DIP2B: variants seen among roughly 807,000 people sequenced by gnomAD.
DIP2B encodes DIP2 acetate--CoA ligase B (putative).
DIP2B carries 76 observed loss-of-function variants against 198.0 expected under a neutral mutation model. That is an observed-to-expected ratio of 0.38 (90% CI 0.32 to 0.46). The LOEUF (loss-of-function observed/expected upper bound fraction) is 0.46. Ranked by LOEUF, DIP2B falls within the 20% of genes least tolerant of loss-of-function variation. The pLI is 0.99. For missense variants in DIP2B, 1,559 were observed against 1,978.4 expected, an observed-to-expected ratio of 0.79 and a Z score of 4.02; for synonymous variants, 701 against 739.1, an observed-to-expected ratio of 0.95 and a Z score of 0.84.
At chr12:50,607,093 C>T (rs1958988460) in intron 1 of DIP2B, among the ~76,000 whole-genome samples, 1 of 150,690 alleles carries the variant, frequency 6.6e-6, no homozygotes, top group Admixed American at 6.7e-5. Context: ...AGGCATGGGC[C>T]ATCATGCTTG....
Position 50,562,178 on chromosome 12 carries a change from C to T in DIP2B, c.100+56938C>T, listed in dbSNP as rs557184021. 5.3e-5 allele frequency among the ~76,000 whole-genome samples: 8 copies of T among 152,164 alleles called. No individual in the cohort carries two copies. The East Asian group carries it at 1.4e-3, about 26-fold the overall frequency. ...AATACAAAGAGGTGGAGAAGAAGGG[C>T]GGTAGAGAAAGGGTAACAAGCTGTT... On this transcript the variant is annotated intron_variant, in intron 1 of 37. Transcript: ENST00000301180.
At chr12:50,663,872 T>TAAA (rs397934701) in intron 4 of DIP2B, among the ~76,000 whole-genome samples, 13 of 104,786 alleles carry the variant, frequency 1.2e-4, no homozygotes, top group East Asian at 5.3e-4. Context: ...CCCATCTCTT[T>TAAA]AAAAAAAAAA....
intron 17 of DIP2B, among the ~76,000 whole-genome samples, chr12:50,697,533 CTTTTTTTTTTTTTTT>C (rs11306905): frequency 4.4e-5 from 2 of 45,960 alleles, no homozygotes; most frequent in East Asian, 6.0e-4. Flanking sequence ...TATAGATATA[CTTTTTTTTTTTTTTT>C]TTTTTTTTTT....
chr12:50,724,912 T>TGG, intron 28 of DIP2B, 26 bp downstream of exon 28: 2 of 1,605,540 alleles, frequency 1.2e-6, no homozygotes, highest in Non-Finnish European at 1.7e-6. Flanking sequence ...CTTCTGAGGG[T>TGG]GGAGGGACTG....
In DIP2B at chr12:50,704,122, C is replaced by A. The variant is rs1364591517; in HGVS notation, c.2326-18C>A. 6.3e-7 allele frequency: 1 copy of A among 1,595,262 alleles called. No homozygotes were observed. Among genetic ancestry groups the A allele is most frequent in the African/African-American group, 1.4e-5 (1 of 73,918 alleles). ...AAGAAAAAGCAAAGTTTTTCACTTA[C>A]TTCATTTTGTCTCTTAGGTAATTCC... is the stretch of plus-strand genomic sequence containing the variant. On this transcript the variant is annotated intron_variant, in intron 19 of 37. Transcript: ENST00000301180.
chr12:50,728,008 C>T (rs370961395), intron 29 of DIP2B, among the ~76,000 whole-genome samples, 196 bp downstream of exon 29: 3 of 152,152 alleles, frequency 2.0e-5, no homozygotes, highest in Admixed American at 1.3e-4. Flanking sequence ...TATTATTAAG[C>T]GTCTGAACCT....
chr12:50,628,773 C>G (rs1937985752), intron 2 of DIP2B, among the ~76,000 whole-genome samples: 1 of 152,220 alleles, frequency 6.6e-6, no homozygotes, highest in African/African-American at 2.4e-5. Flanking sequence ...CACTTCTCAG[C>G]CCGTTTTAGT....
intron 1 of DIP2B, among the ~76,000 whole-genome samples, chr12:50,591,118 C>G (rs2139429446): frequency 6.6e-6 from 1 of 152,314 alleles, no homozygotes; most frequent in East Asian, 1.9e-4. Flanking sequence ...TTCTCAGCCT[C>G]CATAACTGTG....
chr12:50,638,889 T>C (rs943155617), intron 2 of DIP2B, among the ~76,000 whole-genome samples: 12 of 151,162 alleles, frequency 7.9e-5, no homozygotes, highest in African/African-American at 2.7e-4. Context: ...AATATTTACA[T>C]TATATACCAG....
intron 1 of DIP2B, among the ~76,000 whole-genome samples, chr12:50,560,191 G>A (rs1416226804): frequency 2.6e-5 from 4 of 151,640 alleles, no homozygotes; most frequent in East Asian, 1.9e-4. Flanking sequence ...TCAGGAGATC[G>A]AGACCATCTT....
At chr12:50,513,632 G>A (rs1958037968) in intron 1 of DIP2B, among the ~76,000 whole-genome samples, 3 of 152,134 alleles carry the variant, frequency 2.0e-5, no homozygotes, top group Non-Finnish European at 4.4e-5. Context: ...CCAATACTTT[G>A]GGAGGCTGAG....
intron 3 of DIP2B, among the ~76,000 whole-genome samples, chr12:50,641,552 G>C (rs546440088): frequency 1.3e-5 from 2 of 152,294 alleles, no homozygotes; most frequent in East Asian, 1.9e-4. Flanking sequence ...CAGAGTTGTT[G>C]CATAACTAGT....
chr12:50,580,226 G>A (rs1958711826), intron 1 of DIP2B, among the ~76,000 whole-genome samples: 1 of 148,666 alleles, frequency 6.7e-6, no homozygotes, highest in Non-Finnish European at 1.5e-5. Context: ...CCCTCCAGAG[G>A]TCTCAGCACT....
chr12:50,674,656 T>C (rs751660205), intron 6 of DIP2B, 27 bp downstream of exon 6: 3 of 1,612,854 alleles, frequency 1.9e-6, no homozygotes, highest in Non-Finnish European at 2.5e-6. Context: ...GGTAGCTCAA[T>C]TGTAGTGTAA....
intron 1 of DIP2B, among the ~76,000 whole-genome samples, chr12:50,537,935 C>T (rs201405819): frequency 1.3e-5 from 2 of 152,070 alleles, no homozygotes; most frequent in Non-Finnish European, 2.9e-5. Flanking sequence ...AGATTGAAAA[C>T]GGGAATGAGG....
chr12:50,722,205 C>G (rs78211552), intron 26 of DIP2B, among the ~76,000 whole-genome samples: 2,044 of 151,752 alleles, frequency 0.013, 48 homozygotes, highest in African/African-American at 0.046. Flanking sequence ...GGCCTGTTAT[C>G]CCCCCACACT....
At chr12:50,537,007 C>T (rs1408296164) in intron 1 of DIP2B, among the ~76,000 whole-genome samples, 1 of 150,708 alleles carries the variant, frequency 6.6e-6, no homozygotes, top group Non-Finnish European at 1.5e-5. Flanking sequence ...CTGTTGAATC[C>T]TTCTCCTAAT....
In DIP2B at chr12:50,735,115, C is replaced by T. The variant is rs772596741; in HGVS notation, c.4086C>T (p.Leu1362=). ...VERGAPQSLL[L]SESGKILPGV... ...GTGGCGCCCCTCAGAGTTTGCTTCTCTCAGAGTCTGGAAAGGTAATTTGTT... is the reference window on the plus strand; with the variant it reads ...GTGGCGCCCCTCAGAGTTTGCTTCTTTCAGAGTCTGGAAAGGTAATTTGTT... Residue 1362 remains leucine (L), a synonymous_variant, in exon 34 of 38, where the codon CTC becomes CTT. Transcript: ENST00000301180. 2 of 1,614,034 alleles carry T rather than the reference C, an allele frequency of 1.2e-6. No homozygotes were observed. The highest frequency in any genetic ancestry group is 2.7e-5 in the African/African-American group (2 of 74,912).
chr12:50,670,512 T>C (rs772744258), intron 4 of DIP2B, among the ~76,000 whole-genome samples: 8 of 151,896 alleles, frequency 5.3e-5, no homozygotes, highest in Non-Finnish European at 7.4e-5. Context: ...GCCTCCGAGG[T>C]TCAAACGATT....
Sources: allele counts gnomAD v4.1 joint callset (sites outside exome capture counted in the v4.1 genomes callset), GRCh38; gene constraint gnomAD v4.1.1; transcripts MANE v1.5; gene names NCBI Gene and HGNC (gene_info 2026-07-23, HGNC 2026-07-21).